The following EAF2 variants were observed in gnomAD, a reference collection of about 807,000 sequenced individuals.
EAF2 encodes the protein ELL associated factor 2, also known as ELL-associated factor 2.
EAF2 carries 29 observed loss-of-function variants against 29.4 expected under a neutral mutation model. The observed-to-expected ratio is 0.99, with a 90% CI of 0.73 to 1.35. EAF2 has a LOEUF of 1.35. Ranked by LOEUF, EAF2 falls within the 40% of genes most tolerant of loss-of-function variation. The pLI is 0.00. For missense variants in EAF2, 292 were observed against 312.0 expected (o/e 0.94, Z 0.48); for synonymous variants, 103 against 102.5 (o/e 1.00, Z -0.03).
chr3:121,882,589 G>T (rs2107550822), intron 5 of EAF2, among the ~76,000 whole-genome samples: 2 of 152,018 alleles, frequency 1.3e-5, no homozygotes, highest in East Asian at 3.9e-4. Flanking sequence ...AAAGAAATAT[G>T]ATATAAGAAT....
intron 4 of EAF2, among the ~76,000 whole-genome samples, chr3:121,864,792 GGGT>G (rs1453520613): frequency 6.6e-6 from 1 of 152,044 alleles, no homozygotes; most frequent in Non-Finnish European, 1.5e-5. Context: ...ATTCCAGCCT[GGGT>G]GACAGAGTGA....
intron 1 of EAF2, among the ~76,000 whole-genome samples, chr3:121,843,282 A>G (rs1285258454): frequency 1.3e-5 from 2 of 152,186 alleles, no homozygotes. Flanking sequence ...TTTACAGAGC[A>G]ATAATTTGAT....
chr3:121,861,446 T>A (rs1329404004), intron 4 of EAF2, among the ~76,000 whole-genome samples: 1 of 152,238 alleles, frequency 6.6e-6, no homozygotes, highest in Non-Finnish European at 1.5e-5. Context: ...TCTCTTTTGA[T>A]CTTTGTTGGT....
chr3:121,853,181 TCTAA>T (rs943838472), intron 2 of EAF2, among the ~76,000 whole-genome samples: 2 of 152,214 alleles, frequency 1.3e-5, no homozygotes, highest in Non-Finnish European at 2.9e-5. Flanking sequence ...CTTATGTATC[TCTAA>T]CTGATAAGGA....
intron 5 of EAF2, among the ~76,000 whole-genome samples, chr3:121,874,040 T>C (rs1263435240): frequency 6.6e-6 from 1 of 151,918 alleles, no homozygotes; most frequent in African/African-American, 2.4e-5. Flanking sequence ...TGTTTTTGCT[T>C]ATCATTGAAT....
chr3:121,844,664 A>G, intron 2 of EAF2, 117 bp downstream of exon 2: 1 of 588,464 alleles, frequency 1.7e-6, no homozygotes, highest in Non-Finnish European at 2.8e-6. Context: ...GTAAGCACAG[A>G]TAAGCAAAAA....
At chr3:121,883,575 T>A (rs1320602146) in intron 5 of EAF2, among the ~76,000 whole-genome samples, 1 of 152,218 alleles carries the variant, frequency 6.6e-6, no homozygotes, top group East Asian at 1.9e-4. Context: ...TTTCACAGAA[T>A]GTAGAAGAGT....
chr3:121,840,521 A>C lies in EAF2; in HGVS notation c.107-3932A>C, dbSNP rs1250009915. 3.5e-3 allele frequency among the ~76,000 whole-genome samples: 433 copies of C among 124,446 alleles called. 3 individuals carry two copies. Among genetic ancestry groups the C allele is most frequent in the Non-Finnish European group, 6.3e-3 (369 of 58,798 alleles). 81.6% of individuals were successfully genotyped at this position (124,446 alleles called of 152,430 possible). A position where few individuals can be genotyped will look rare whatever the true frequency, so the allele number is the denominator to read the frequency against. On this transcript the variant is annotated intron_variant, in intron 1 of 5. Coordinates refer to ENST00000273668, the MANE Select transcript of EAF2 (RefSeq NM_018456.6). ...AAAAAAAAAAAAAGAAAAAAAAAAAACGGGCCGGGTGCGGTGGCTCACGCC... is the reference window on the plus strand; with the variant it reads ...AAAAAAAAAAAAAGAAAAAAAAAAACCGGGCCGGGTGCGGTGGCTCACGCC...
intron 1 of EAF2, chr3:121,836,722 T>G (rs1299357002): frequency 1.0e-6 from 1 of 987,706 alleles, no homozygotes; most frequent in Non-Finnish European, 1.2e-6. Flanking sequence ...AAGTGTGATA[T>G]GCGTCTTTAT....
At chr3:121,878,252 A>C (rs1380610669) in intron 5 of EAF2, among the ~76,000 whole-genome samples, 1 of 152,110 alleles carries the variant, frequency 6.6e-6, no homozygotes, top group Non-Finnish European at 1.5e-5. Context: ...ATTAAGTTAA[A>C]ATTATAACTA....
Position 121,868,755 on chromosome 3 carries a change from C to T in EAF2, c.485-3782C>T, listed in dbSNP as rs1054303964. On this transcript the variant is annotated intron_variant, in intron 4 of 5. Transcript: ENST00000273668. ...TGCTAGAACTGAAAAGAGAAATCTG[C>T]AAATCCACAATTATGCCTGGGTATT... Among the ~76,000 whole-genome samples, 11 of 152,166 alleles carry T rather than the reference C, an allele frequency of 7.2e-5. 1 individual carries two copies. Among genetic ancestry groups the T allele is most frequent in the African/African-American group, 2.7e-4 (11 of 41,438 alleles).
intron 4 of EAF2, among the ~76,000 whole-genome samples, chr3:121,858,542 T>A (rs1325599492): frequency 6.6e-6 from 1 of 152,240 alleles, no homozygotes; most frequent in African/African-American, 2.4e-5. Context: ...TAAATTTGTG[T>A]AAGTTCTTCA....
chr3:121,847,699 G>A lies in EAF2; in HGVS notation c.201+3152G>A, dbSNP rs1263460194. Among the ~76,000 whole-genome samples the A allele has an allele frequency of 4.6e-5, 7 of 152,280 alleles. No homozygotes were observed. In the East Asian group the frequency reaches 1.3e-3, roughly 29 times the overall value. ...GTTCTGTGCTCCTGAGATTAGTTCA[G>A]ATGGTCTAACCATTGTTTTATATGT... is the stretch of plus-strand genomic sequence containing the variant. On this transcript the variant is annotated intron_variant, in intron 2 of 5. Transcript: ENST00000273668.
At chr3:121,880,784 C>T (rs7627291) in intron 5 of EAF2, among the ~76,000 whole-genome samples, 128,709 of 152,006 alleles carry the variant, frequency 0.85, 54,985 homozygotes, top group East Asian at 0.92. Context: ...GGTGAGAGTG[C>T]GCATCCTTAT....
At chr3:121,858,561 G>A (rs1708766326) in intron 4 of EAF2, among the ~76,000 whole-genome samples, 2 of 149,200 alleles carry the variant, frequency 1.3e-5, no homozygotes, top group Admixed American at 6.7e-5. Context: ...CATAGATTCT[G>A]GATATTAGCC....
intron 4 of EAF2, among the ~76,000 whole-genome samples, chr3:121,858,195 T>C (rs924182690): frequency 1.7e-4 from 26 of 152,264 alleles, no homozygotes; most frequent in African/African-American, 6.3e-4. Flanking sequence ...AGTAATGGGA[T>C]GGCTGGGTCA....
In EAF2 at chr3:121,872,807, A is replaced by G. The variant is rs755495757; in HGVS notation, c.736+19A>G. The G allele has an allele frequency of 5.7e-6, 9 of 1,589,536 alleles. No homozygotes were observed. The South Asian group carries it at 1.0e-4, about 18-fold the overall frequency. On this transcript the variant is annotated intron_variant, in intron 5 of 5. Coordinates refer to ENST00000273668, the MANE Select transcript of EAF2 (RefSeq NM_018456.6). ...ACTTTAAGTAAGTATACATAAACAC[A>G]GGCAATTGGAAAAGTAAGAATTTAT...
At chr3:121,844,694 A>G in intron 2 of EAF2, 147 bp downstream of exon 2, 1 of 456,434 alleles carries the variant, frequency 2.2e-6, no homozygotes, top group South Asian at 4.0e-5. Context: ...AAACTACTTT[A>G]GGCAAAAAAA....
chr3:121,861,563 T>C (rs1184791375), intron 4 of EAF2, among the ~76,000 whole-genome samples: 1 of 152,200 alleles, frequency 6.6e-6, no homozygotes. Context: ...CCTATGTGTG[T>C]CTCTGCATGT....
Sources: allele counts gnomAD v4.1 joint callset (sites outside exome capture counted in the v4.1 genomes callset), GRCh38; gene constraint gnomAD v4.1.1; transcripts MANE v1.5; gene names NCBI Gene and HGNC (gene_info 2026-07-23, HGNC 2026-07-21).